PPT1: variants seen among roughly 807,000 people sequenced by gnomAD.
PPT1 encodes the protein ceroid-palmitoyl-palmitoyl-protein thioesterase 1.
PPT1 carries 24 observed loss-of-function variants against 44.0 expected under a neutral mutation model. The observed-to-expected ratio is 0.54, with a 90% CI of 0.39 to 0.77. The LOEUF is 0.77. Ranked by LOEUF, PPT1 falls within the 30% of genes least tolerant of loss-of-function variation. The pLI is 0.00. For missense variants in PPT1, 341 were observed against 378.8 expected (o/e 0.90, Z 0.83); for synonymous variants, 148 against 140.2 (o/e 1.06, Z -0.39).
chr1:40,083,863 T>G (rs1649115185), intron 5 of PPT1, among the ~76,000 whole-genome samples: 1 of 151,986 alleles, frequency 6.6e-6, no homozygotes, highest in Non-Finnish European at 1.5e-5. Context: ...CTGGGCAACA[T>G]AAATGAGATC....
chr1:40,097,058 A>C, intron 1 of PPT1, 57 bp downstream of exon 1: 3 of 1,613,746 alleles, frequency 1.9e-6, no homozygotes, highest in Non-Finnish European at 2.5e-6. Context: ...GCAGATGCGA[A>C]CCCAGGCTAG....
In PPT1 at chr1:40,075,477, C is replaced by CTTTTTTTTTTTTTTTTTTTTTTTTAGATT. The variant is rs5773686; in HGVS notation, c.799-1295_799-1294insAATCTAAAAAAAAAAAAAAAAAAAAAAAA. On this transcript the variant is annotated intron_variant, in intron 8 of 8. Transcript: ENST00000642050. ...AGTTCTTAGCTGTAATTTCTCAAGC[C>CTTTTTTTTTTTTTTTTTTTTTTTTAGATT]TTTTTTTTTTTTTTTCTCAAATCAG... Among the ~76,000 whole-genome samples, 2 of 144,702 alleles carry CTTTTTTTTTTTTTTTTTTTTTTTTAGATT rather than the reference C, an allele frequency of 1.4e-5. 1 individual carries two copies. 94.9% of individuals were successfully genotyped at this position (144,702 alleles called of 152,430 possible).
chr1:40,086,978 C>G (rs1649296689), intron 5 of PPT1, among the ~76,000 whole-genome samples: 1 of 152,056 alleles, frequency 6.6e-6, no homozygotes, highest in South Asian at 2.1e-4. Flanking sequence ...CAGGGGCAAC[C>G]TGGGACAGTA....
chr1:40,093,896 A>T (rs1270361955), intron 1 of PPT1: 1 of 629,038 alleles, frequency 1.6e-6, no homozygotes, highest in Non-Finnish European at 2.9e-6. Flanking sequence ...AAAAAAAAAA[A>T]AAAAAAAATC....
chr1:40,082,643 GA>G (rs372021721), intron 5 of PPT1, among the ~76,000 whole-genome samples: 1 of 152,128 alleles, frequency 6.6e-6, no homozygotes, highest in Non-Finnish European at 1.5e-5. Flanking sequence ...GGAAGCTGCA[GA>G]AAAAAAGTGT....
intron 6 of PPT1, among the ~76,000 whole-genome samples, chr1:40,079,808 G>A (rs917214428): frequency 6.6e-6 from 1 of 152,196 alleles, no homozygotes; most frequent in Non-Finnish European, 1.5e-5. Flanking sequence ...ATAGGTGAGA[G>A]GCTTCTAGTC....
At chr1:40,094,979 G>A (rs1012672190) in intron 1 of PPT1, among the ~76,000 whole-genome samples, 1 of 152,074 alleles carries the variant, frequency 6.6e-6, no homozygotes, top group Non-Finnish European at 1.5e-5. Context: ...TGTATTTGCT[G>A]ACTCTAATTA....
At chr1:40,085,782 A>G (rs1175245333) in intron 5 of PPT1, among the ~76,000 whole-genome samples, 1 of 152,230 alleles carries the variant, frequency 6.6e-6, no homozygotes. Context: ...TAGCTTTTAT[A>G]TGCGCTGGGA....
At position 40,095,037 on chromosome 1, in the gene PPT1, C is replaced by T. The variant is rs151101830; in HGVS notation, c.124+2078G>A. ...CATCCCAATAAAGATCTCACTATCA[C>T]GACTCTCCCAAAACTGCTTTTGTCA... On this transcript the variant is annotated intron_variant, in intron 1 of 8. Coordinates refer to ENST00000642050, the MANE Select transcript of PPT1 (RefSeq NM_000310.4). Among the ~76,000 whole-genome samples the T allele has an allele frequency of 1.2e-4, 19 of 152,298 alleles. No homozygotes were observed. In the East Asian group the frequency reaches 3.3e-3, roughly 26 times the overall value.
At chr1:40,080,520 C>T in intron 5 of PPT1, 33 bp from the exon 6 acceptor site, 1 of 1,600,840 alleles carries the variant, frequency 6.2e-7, no homozygotes, top group South Asian at 1.1e-5. Context: ...GGTGATCAAG[C>T]TACAGGTCAG....
intron 4 of PPT1, 101 bp downstream of exon 4, chr1:40,091,228 T>G: frequency 8.2e-7 from 1 of 1,213,372 alleles, no homozygotes; most frequent in Non-Finnish European, 1.2e-6. Flanking sequence ...TTTGCAAGAA[T>G]GGCTGATGTC....
chr1:40,081,574 T>G (rs1022712952), intron 5 of PPT1, among the ~76,000 whole-genome samples: 2 of 147,188 alleles, frequency 1.4e-5, no homozygotes, highest in African/African-American at 5.1e-5. Flanking sequence ...AAATAGAAAA[T>G]AAAATTAAGA....
rs76747185 is a variant in PPT1 at position 40,085,722 on chromosome 1, T to C, written c.536+3688A>G. Reference sequence around the variant, plus strand: ...TTTCTAATTAAGGCATGTACTTTTTTTAGGCATGATGCTACTGCACACTTA... The same window carrying C: ...TTTCTAATTAAGGCATGTACTTTTTCTAGGCATGATGCTACTGCACACTTA... On this transcript the variant is annotated intron_variant, in intron 5 of 8. Transcript: ENST00000642050. Among the ~76,000 whole-genome samples, 218 of 152,350 alleles carry C rather than the reference T, an allele frequency of 1.4e-3. 1 individual carries two copies. Among genetic ancestry groups the C allele is most frequent in the African/African-American group, 5.1e-3 (210 of 41,582 alleles).
chr1:40,090,372 A>G (rs539256358), intron 4 of PPT1, among the ~76,000 whole-genome samples: 8 of 152,252 alleles, frequency 5.3e-5, no homozygotes, highest in African/African-American at 1.9e-4. Context: ...ATATGTGTAT[A>G]TAAGTGCATA....
intron 5 of PPT1, chr1:40,082,442 A>G: frequency 6.6e-6 from 1 of 151,610 alleles, no homozygotes; most frequent in Admixed American, 6.6e-5. Flanking sequence ...AAAGTTCCTG[A>G]GGAAAATTAG....
chr1:40,074,299 T>C, intron 8 of PPT1, 116 bp from the exon 9 acceptor site: 2 of 1,314,544 alleles, frequency 1.5e-6, no homozygotes, highest in Non-Finnish European at 2.1e-6. Flanking sequence ...AGTATTAAAA[T>C]TGAGGTGTAT....
At chr1:40,076,605 G>C in intron 8 of PPT1, 2 of 1,345,158 alleles carry the variant, frequency 1.5e-6, no homozygotes, top group South Asian at 1.6e-5. Context: ...CTTGTTGTTT[G>C]GAAACCATAA....
intron 6 of PPT1, among the ~76,000 whole-genome samples, chr1:40,079,509 G>C (rs1168369666): frequency 7.0e-6 from 1 of 143,310 alleles, no homozygotes; most frequent in Non-Finnish European, 1.5e-5. Flanking sequence ...CGATTCTCCT[G>C]CCTCAGCCTC....
intron 1 of PPT1, among the ~76,000 whole-genome samples, chr1:40,094,398 A>G (rs932420034): frequency 1.3e-5 from 2 of 151,616 alleles, no homozygotes; most frequent in African/African-American, 4.8e-5. Flanking sequence ...GGTAGAGCTC[A>G]TGGTGGTAAG....
Sources: gnomAD v4.1 joint callset for allele counts (sites outside exome capture counted in the v4.1 genomes callset) on GRCh38, gnomAD v4.1.1 for gene constraint, MANE v1.5 for transcripts, NCBI Gene and HGNC (gene_info 2026-07-23, HGNC 2026-07-21) for gene names.